The following KCNMA1 variants were observed in gnomAD, a reference collection of about 807,000 sequenced individuals.
KCNMA1 encodes potassium calcium-activated channel subfamily M alpha 1, also known as Calcium-activated potassium channel subunit alpha-1.
In KCNMA1, 29 loss-of-function variants were observed where a neutral mutation model predicts 140.0. The ratio of observed to expected loss-of-function variants is 0.21; its 90% CI spans 0.15 to 0.28. The LOEUF (loss-of-function observed/expected upper bound fraction) is 0.28. KCNMA1 is among the 10% of genes least tolerant of loss of function. KCNMA1 has a pLI of 1.00. For synonymous variants in KCNMA1, 612 were observed against 611.9 expected (o/e 1.00, Z 0.00); for missense variants, 880 against 1,602.2 (o/e 0.55, Z 7.70).
intron 19 of KCNMA1, chr10:76,970,274 C>A (rs2075646045): frequency 3.3e-6 from 2 of 603,970 alleles, no homozygotes; most frequent in Admixed American, 2.4e-5. Flanking sequence ...TACACTCCAG[C>A]CTTTGAACAT....
intron 1 of KCNMA1, among the ~76,000 whole-genome samples, chr10:77,488,017 T>C (rs979947705): frequency 6.6e-6 from 1 of 152,204 alleles, no homozygotes; most frequent in Non-Finnish European, 1.5e-5. Flanking sequence ...GGGTTAACTG[T>C]CCTCAACTCT....
intron 24 of KCNMA1, chr10:76,912,506 G>A (rs2050762214): frequency 6.6e-6 from 1 of 152,232 alleles, no homozygotes. Context: ...GGGTGGTATA[G>A]TGGCTAGAGA....
chr10:77,001,241 G>C (rs906889460), intron 19 of KCNMA1, among the ~76,000 whole-genome samples, 166 bp downstream of exon 19: 1 of 152,056 alleles, frequency 6.6e-6, no homozygotes, highest in Non-Finnish European at 1.5e-5. Context: ...TCCTAGGCAC[G>C]TACACAGAGA....
intron 5 of KCNMA1, among the ~76,000 whole-genome samples, chr10:77,145,144 C>T (rs1043549331): frequency 1.3e-5 from 2 of 152,164 alleles, no homozygotes; most frequent in African/African-American, 2.4e-5. Flanking sequence ...CCAGCCTCTT[C>T]CTAGGACCCT....
intron 3 of KCNMA1, among the ~76,000 whole-genome samples, chr10:77,223,057 G>A (rs61031137): frequency 0.02 from 2,978 of 151,892 alleles, 99 homozygotes; most frequent in African/African-American, 0.068. Flanking sequence ...GTGAAACCCC[G>A]TCTCTACTAA....
intron 1 of KCNMA1, among the ~76,000 whole-genome samples, chr10:77,616,851 G>A (rs566880927): frequency 1.3e-5 from 2 of 151,876 alleles, no homozygotes; most frequent in African/African-American, 4.8e-5. Context: ...GTTTGAGGGC[G>A]TTTTCAGTAT....
At chr10:77,332,492 G>T (rs796360783) in intron 2 of KCNMA1, among the ~76,000 whole-genome samples, 9 of 152,250 alleles carry the variant, frequency 5.9e-5, no homozygotes, top group African/African-American at 2.2e-4. Flanking sequence ...ATGATCTGTT[G>T]TCCCCTGCAT....
At chr10:76,929,238 T>A (rs917108970) in intron 23 of KCNMA1, among the ~76,000 whole-genome samples, 1 of 152,226 alleles carries the variant, frequency 6.6e-6, no homozygotes, top group African/African-American at 2.4e-5. Flanking sequence ...GTTTTATAGA[T>A]TAAGTGTGAA....
At chr10:77,436,988 AC>A (rs1566843116) in intron 1 of KCNMA1, among the ~76,000 whole-genome samples, 10,265 of 148,556 alleles carry the variant, frequency 0.069, 381 homozygotes, top group East Asian at 0.12. Context: ...ACACACACAC[AC>A]ACACACACTC....
chr10:77,293,361 G>C (rs975096667), intron 2 of KCNMA1, among the ~76,000 whole-genome samples: 3 of 152,160 alleles, frequency 2.0e-5, no homozygotes, highest in South Asian at 2.1e-4. Context: ...AGAATGGGGG[G>C]GACAACCATA....
intron 1 of KCNMA1, among the ~76,000 whole-genome samples, chr10:77,459,418 C>A (rs2097817486): frequency 6.6e-6 from 1 of 152,162 alleles, no homozygotes; most frequent in South Asian, 2.1e-4. Context: ...GGACACAGAC[C>A]ACAGCATGCA....
intron 1 of KCNMA1, among the ~76,000 whole-genome samples, chr10:77,609,363 G>A (rs781179103): frequency 3.1e-4 from 47 of 152,162 alleles, no homozygotes; most frequent in Admixed American, 5.2e-4. Context: ...CAAATACTAC[G>A]TGATCTAATT....
intron 1 of KCNMA1, among the ~76,000 whole-genome samples, chr10:77,436,045 G>A (rs1229374539): frequency 6.6e-6 from 1 of 152,340 alleles, no homozygotes; most frequent in African/African-American, 2.4e-5. Flanking sequence ...AAGAAATGAA[G>A]GCAATGACTT....
intron 2 of KCNMA1, among the ~76,000 whole-genome samples, chr10:77,329,822 T>C (rs1185717134): frequency 2.0e-5 from 3 of 152,170 alleles, no homozygotes; most frequent in African/African-American, 7.2e-5. Flanking sequence ...CTTGGGCAAA[T>C]TGCTTCACCT....
intron 1 of KCNMA1, among the ~76,000 whole-genome samples, chr10:77,580,246 T>C (rs1461083229): frequency 6.6e-6 from 1 of 151,842 alleles, no homozygotes; most frequent in Non-Finnish European, 1.5e-5. Flanking sequence ...CCGGGCGTGG[T>C]GGCGGGCGCC....
chr10:76,960,051 C>T (rs1477668063), intron 20 of KCNMA1, among the ~76,000 whole-genome samples: 1 of 152,216 alleles, frequency 6.6e-6, no homozygotes, highest in Non-Finnish European at 1.5e-5. Flanking sequence ...GCAGCCATAT[C>T]TTGTTCATTC....
rs60887783 is a variant in KCNMA1 at position 77,508,585 on chromosome 10, T to TC, written c.379-104563_379-104562insG. 5.0e-4 allele frequency among the ~76,000 whole-genome samples: 43 copies of TC among 85,502 alleles called. 1 individual carries two copies. The highest frequency in any genetic ancestry group is 2.5e-3 in the East Asian group (3 of 1,220). The allele number at this position is 85,502 out of a possible 152,430, so 56.1% of individuals were successfully genotyped here. On this transcript the variant is annotated intron_variant, in intron 1 of 27. Coordinates refer to ENST00000286628, the MANE Select transcript of KCNMA1 (RefSeq NM_001161352.2). Reference sequence around the variant, plus strand: ...TTTTTCTTTTTTTTTTCTTTTCTTTTTTTTTTTTTTTTTGTAGAGGTGCTC... The same window carrying TC: ...TTTTTCTTTTTTTTTTCTTTTCTTTTCTTTTTTTTTTTTTGTAGAGGTGCTC...
At chr10:77,222,440 T>C (rs1180733397) in intron 3 of KCNMA1, among the ~76,000 whole-genome samples, 4 of 152,218 alleles carry the variant, frequency 2.6e-5, no homozygotes, top group East Asian at 1.9e-4. Context: ...TCATGTACAA[T>C]GTGAAGTTGC....
intron 1 of KCNMA1, among the ~76,000 whole-genome samples, chr10:77,499,594 C>G (rs1044708696): frequency 2.0e-5 from 3 of 151,812 alleles, no homozygotes; most frequent in Admixed American, 6.6e-5. Flanking sequence ...CTGCAAAACC[C>G]AACAGCAGGG....
Sources: gnomAD v4.1 joint callset for allele counts (sites outside exome capture counted in the v4.1 genomes callset) on GRCh38, gnomAD v4.1.1 for gene constraint, MANE v1.5 for transcripts, NCBI Gene and HGNC (gene_info 2026-07-23, HGNC 2026-07-21) for gene names.